Variants in DLC1 observed in about 807,000 individuals in gnomAD.
DLC1 encodes the protein rho GTPase-activating protein 7.
DLC1 carries 54 observed loss-of-function variants against 140.3 expected under a neutral mutation model. The ratio of observed to expected loss-of-function variants is 0.38; its 90% confidence interval spans 0.31 to 0.48. The LOEUF is 0.48. DLC1 is among the 20% of genes least tolerant of loss of function. The pLI is 0.96. For synonymous variants in DLC1, 986 were observed against 728.1 expected (o/e 1.35, Z -5.70); for missense variants, 2,536 against 1,907.0 (o/e 1.33, Z -6.14).
intron 5 of DLC1, among the ~76,000 whole-genome samples, chr8:13,194,054 G>A (rs1001824786): frequency 2.0e-4 from 30 of 152,250 alleles, no homozygotes; most frequent in African/African-American, 4.8e-4. Flanking sequence ...AGTGGCTAGG[G>A]CTTGGTCTCA....
At chr8:13,364,335 G>A (rs1479230534) in intron 4 of DLC1, among the ~76,000 whole-genome samples, 1 of 141,934 alleles carries the variant, frequency 7.0e-6, no homozygotes, top group East Asian at 2.0e-4. Context: ...ATCTTGCTCT[G>A]TTGCACAGGT....
intron 1 of DLC1, among the ~76,000 whole-genome samples, chr8:13,527,005 G>C (rs1263997655): frequency 1.3e-5 from 2 of 152,158 alleles, no homozygotes; most frequent in African/African-American, 4.8e-5. Flanking sequence ...ACATTGACTA[G>C]TATGCTGCTG....
Position 13,088,516 on chromosome 8 carries a change from A to C in DLC1, c.4263T>G (p.Pro1421=), listed in dbSNP as rs1334922708. ...IYQYVQNSMA[P]HPARDYVVLR... The stretch of plus-strand genomic sequence containing the variant: ...AAACAACGTAGTCTCGAGCAGGATG[A>C]GGTGCCATACTGTTTTGGACATACT... Residue 1421 remains proline, a synonymous_variant, in exon 16 of 18, where the codon CCT becomes CCG. Coordinates refer to ENST00000276297, the MANE Select transcript of DLC1 (RefSeq NM_182643.3). 8 of 1,614,230 alleles carry C rather than the reference A, an allele frequency of 5.0e-6. No individual in the cohort carries two copies.
intron 5 of DLC1, among the ~76,000 whole-genome samples, chr8:13,301,044 AC>A (rs1238029023): frequency 3.0e-4 from 46 of 152,064 alleles, no homozygotes; most frequent in African/African-American, 1.0e-3. Flanking sequence ...CGGCAGGAGA[AC>A]CCAGGCGCCT....
chr8:13,376,783 G>T (rs1836010859), intron 4 of DLC1, among the ~76,000 whole-genome samples: 1 of 152,206 alleles, frequency 6.6e-6, no homozygotes, highest in Admixed American at 6.5e-5. Context: ...ACTGAAGCAA[G>T]ATCAGACGGC....
At chr8:13,153,033 C>T (rs942079328) in intron 5 of DLC1, among the ~76,000 whole-genome samples, 2 of 152,116 alleles carry the variant, frequency 1.3e-5, no homozygotes, top group African/African-American at 2.4e-5. Context: ...TGTGGAAATA[C>T]CCTATGCTCT....
chr8:13,525,987 G>T (rs1247144707), intron 1 of DLC1, among the ~76,000 whole-genome samples: 1 of 152,048 alleles, frequency 6.6e-6, no homozygotes, highest in Admixed American at 6.6e-5. Context: ...CATATGTAGA[G>T]ATAATTTTTT....
rs1193782272 is a variant in DLC1 at position 13,099,387 on chromosome 8, T to C, written c.2950A>G (p.Arg984Gly). The part of the protein sequence containing the change: ...PEEPSEIPER[R>G]DSGVGASLTR... ...AGGGAAGCCCCAACCCCAGAATCCC[T>C]TCTTTCCGGGATCTCGGAGGGCTCT... is the stretch of plus-strand genomic sequence containing the variant. The change falls in exon 9 of 18, where the codon AGG becomes GGG. Residue 984 changes from arginine to glycine, a missense_variant. Arg to Gly is a moderately radical substitution (Grantham distance 125). Transcript: ENST00000276297. The C allele has an allele frequency of 6.2e-7, 1 of 1,613,836 alleles. No homozygotes were observed. Among genetic ancestry groups the C allele is most frequent in the Non-Finnish European group, 8.5e-7 (1 of 1,179,992 alleles).
intron 5 of DLC1, among the ~76,000 whole-genome samples, chr8:13,288,416 C>G (rs969092521): frequency 2.6e-5 from 4 of 152,204 alleles, no homozygotes; most frequent in African/African-American, 7.2e-5. Context: ...TCCTTCTAAA[C>G]TCAAACTCTA....
intron 2 of DLC1, among the ~76,000 whole-genome samples, chr8:13,405,738 A>G (rs1210731292): frequency 1.3e-5 from 2 of 152,098 alleles, no homozygotes; most frequent in South Asian, 2.1e-4. Flanking sequence ...AAGACCATCA[A>G]TTACTACAAC....
chr8:13,513,873 G>A (rs527999305), intron 1 of DLC1, among the ~76,000 whole-genome samples: 1 of 152,222 alleles, frequency 6.6e-6, no homozygotes, highest in African/African-American at 2.4e-5. Flanking sequence ...GTGTCATTGA[G>A]ATTGACTTCA....
chr8:13,249,258 TA>T (rs1005573172), intron 5 of DLC1, among the ~76,000 whole-genome samples: 3 of 152,136 alleles, frequency 2.0e-5, no homozygotes, highest in Admixed American at 1.3e-4. Flanking sequence ...TTTGTATTTT[TA>T]GTAGAGACGA....
intron 5 of DLC1, among the ~76,000 whole-genome samples, chr8:13,289,827 T>A (rs1274900880): frequency 6.6e-6 from 1 of 152,324 alleles, no homozygotes; most frequent in East Asian, 1.9e-4. Flanking sequence ...TACAGCCCCA[T>A]TCTCTTTTTG....
intron 5 of DLC1, among the ~76,000 whole-genome samples, chr8:13,207,095 T>C (rs952066720): frequency 5.9e-5 from 9 of 152,192 alleles, no homozygotes; most frequent in Non-Finnish European, 1.3e-4. Context: ...TATATGAATT[T>C]ATTACTGAAA....
At position 13,324,484 on chromosome 8, in the gene DLC1, C is replaced by T. The variant is rs1179787067; in HGVS notation, c.1315-19182G>A. Among the ~76,000 whole-genome samples the T allele has an allele frequency of 3.4e-5, 5 of 146,910 alleles. No homozygotes were observed. In the East Asian group the frequency reaches 6.1e-4, roughly 18 times the overall value. ...TCGGGAGGCTGAGGCAGGAGAATGGCGTGAACCTGGGAGTGGAGCTTGCAG... is the reference window on the plus strand; with the variant it reads ...TCGGGAGGCTGAGGCAGGAGAATGGTGTGAACCTGGGAGTGGAGCTTGCAG... On this transcript the variant is annotated intron_variant, in intron 4 of 17. Transcript: ENST00000276297.
chr8:13,580,535 G>T (rs1161958848), intron 1 of DLC1, among the ~76,000 whole-genome samples: 1 of 152,120 alleles, frequency 6.6e-6, no homozygotes, highest in Non-Finnish European at 1.5e-5. Flanking sequence ...AGTGGTGGGG[G>T]TCATTGCCTG....
intron 4 of DLC1, among the ~76,000 whole-genome samples, chr8:13,367,543 A>G (rs1835543812): frequency 6.6e-6 from 1 of 152,196 alleles, no homozygotes; most frequent in African/African-American, 2.4e-5. Flanking sequence ...CAACAACAAC[A>G]ACAAAACAAA....
At chr8:13,293,915 A>G (rs1385747471) in intron 5 of DLC1, among the ~76,000 whole-genome samples, 3 of 152,218 alleles carry the variant, frequency 2.0e-5, no homozygotes, top group South Asian at 2.1e-4. Flanking sequence ...AAAAATACCA[A>G]CGGAATTAGA....
rs139814008 is a variant in DLC1 at position 13,251,195 on chromosome 8, C to G, written c.1348+54074G>C. On this transcript the variant is annotated intron_variant, in intron 5 of 17. Coordinates refer to ENST00000276297, the MANE Select transcript of DLC1 (RefSeq NM_182643.3). ...ATTCTTATTGGCTTAGGGCCCCACC[C>G]TTATGACCTCATTTAACCTCACTTA... Among the ~76,000 whole-genome samples, 315 of 152,310 alleles carry G rather than the reference C, an allele frequency of 2.1e-3. 2 individuals are homozygous for G. Among genetic ancestry groups the G allele is most frequent in the African/African-American group, 7.3e-3 (304 of 41,568 alleles).
Sources: gnomAD v4.1 joint callset for allele counts (sites outside exome capture counted in the v4.1 genomes callset) on GRCh38, gnomAD v4.1.1 for gene constraint, MANE v1.5 for transcripts, NCBI Gene and HGNC (gene_info 2026-07-23, HGNC 2026-07-21) for gene names.